The following OR9G4 variants were observed in gnomAD, a reference collection of about 807,000 sequenced individuals.
OR9G4 encodes olfactory receptor 9G4.
OR9G4 carries 19 observed loss-of-function variants against 16.7 expected under a neutral mutation model. The observed-to-expected ratio is 1.14, with a 90% CI of 0.79 to 1.67. The LOEUF (loss-of-function observed/expected upper bound fraction) is 1.67, where lower values mean the gene tolerates loss of function less well. Among genes scored for constraint, OR9G4 ranks in the 40% most tolerant of loss-of-function variants. The probability of loss-of-function intolerance (pLI) is 0.00; values close to 1 mark genes in which losing one functional copy is unlikely to be tolerated. For synonymous variants in OR9G4, 182 were observed against 146.2 expected (o/e 1.24, Z -1.76); for missense variants, 428 against 370.4 (o/e 1.16, Z -1.28).
chr11:56,746,858 T>A (rs1264839093), intron 1 of OR9G4, among the ~76,000 whole-genome samples: 2 of 152,176 alleles, frequency 1.3e-5, no homozygotes, highest in African/African-American at 4.8e-5. Context: ...CCTCCACTGC[T>A]ACCACTCTGT....
rs1858306714 is a variant in OR9G4 at position 56,741,907 on chromosome 11, C to T, written c.*921G>A. The T allele has an allele frequency of 6.6e-6, 1 of 152,198 alleles. No homozygotes were observed. The highest frequency in any genetic ancestry group is 2.1e-4 in the South Asian group (1 of 4,828). The allele number at this position is 152,198 out of a possible 1,614,324, so 9.4% of individuals were successfully genotyped here. ...AGGGTTTAGGGAATTGGGCTCGAGG[C>T]CAAGGCTAGTTTCCATGTGGTTAGC... On this transcript the variant is annotated 3_prime_UTR_variant, in exon 2 of 2. Transcript: ENST00000641668.
rs1858317015 is a variant in OR9G4, at chr11:56,742,472, G to A, written c.*356C>T. The A allele has an allele frequency of 5.3e-6, 1 of 188,426 alleles. No individual in the cohort carries two copies. The highest frequency in any genetic ancestry group is 1.1e-5 in the Non-Finnish European group (1 of 91,130). 11.7% of individuals were successfully genotyped at this position (188,426 alleles called of 1,614,324 possible). On this transcript the variant is annotated 3_prime_UTR_variant, in exon 2 of 2. Coordinates refer to ENST00000641668, the MANE Select transcript of OR9G4 (RefSeq NM_001005284.2). ...CCCTTTCAGATATTCTTGTCACCTAGTAAAGATTGCTTACCAAACTTCAAA... is the reference window on the plus strand; with the variant it reads ...CCCTTTCAGATATTCTTGTCACCTAATAAAGATTGCTTACCAAACTTCAAA...
intron 1 of OR9G4, 146 bp from the exon 2 acceptor site, chr11:56,743,934 G>T: frequency 1.1e-6 from 1 of 883,908 alleles, no homozygotes; most frequent in South Asian, 1.9e-5. Context: ...TCCATGATTT[G>T]GAAAAATTAC....
rs747668347 is a variant in OR9G4 at position 56,742,264 on chromosome 11, CATT to C, written c.*561_*563del. ...TAATTTTGAGATAGTTTTTTGTTGT[CATT>C]GTTGTTTGTAATCTGAACAACTCTT... On this transcript the variant is annotated 3_prime_UTR_variant, in exon 2 of 2. Coordinates refer to ENST00000641668, the MANE Select transcript of OR9G4 (RefSeq NM_001005284.2). 1.3e-5 allele frequency: 2 copies of C among 152,712 alleles called. No homozygotes were observed. The highest frequency in any genetic ancestry group is 2.4e-5 in the African/African-American group (1 of 41,422). The allele number at this position is 152,712 out of a possible 1,614,324, so 9.5% of individuals were successfully genotyped here. A position where few individuals can be genotyped will look rare whatever the true frequency, so the allele number is the denominator to read the frequency against.
intron 1 of OR9G4, among the ~76,000 whole-genome samples, chr11:56,746,905 T>C (rs1359724658): frequency 9.2e-5 from 14 of 151,746 alleles, no homozygotes; most frequent in Admixed American, 2.6e-4. Context: ...AATATTGCCA[T>C]CACTTTCTAA....
intron 1 of OR9G4, among the ~76,000 whole-genome samples, chr11:56,745,844 G>A (rs1304235901): frequency 6.6e-6 from 1 of 151,952 alleles, no homozygotes; most frequent in Non-Finnish European, 1.5e-5. Context: ...AATACAGTGT[G>A]GCAGAGCAGA....
Position 56,742,744 on chromosome 11 carries a change from T to A in OR9G4, c.*84A>T. ...TTTAAATATGACTTATTGAACTTAA[T>A]TGAACTACAGAAATGCAAATGAACA... On this transcript the variant is annotated 3_prime_UTR_variant, in exon 2 of 2. Transcript: ENST00000641668. 8.3e-7 allele frequency: 1 copy of A among 1,210,302 alleles called. No individual in the cohort carries two copies. 75.0% of individuals were successfully genotyped at this position (1,210,302 alleles called of 1,614,324 possible). A position where few individuals can be genotyped will look rare whatever the true frequency, so the allele number is the denominator to read the frequency against.
At chr11:56,743,886 A>C in intron 1 of OR9G4, 98 bp from the exon 2 acceptor site, 1 of 1,366,190 alleles carries the variant, frequency 7.3e-7, no homozygotes, top group Admixed American at 2.2e-5. Flanking sequence ...AAGCTTGTAG[A>C]TTTTTCTCCC....
At position 56,746,070 on chromosome 11, in the gene OR9G4, G is replaced by C. The variant is rs71495212; in HGVS notation, c.-22-2282C>G. Among the ~76,000 whole-genome samples the C allele has an allele frequency of 6.9e-3, 1,045 of 151,926 alleles. 2 individuals are homozygous for C. The highest frequency in any genetic ancestry group is 0.011 in the Non-Finnish European group (728 of 67,948). On this transcript the variant is annotated intron_variant, in intron 1 of 1. Transcript: ENST00000641668. ...GCACTTTGGGAGGCCGAGGCGGGCG[G>C]ATCACAAGGTCAGGAGATCGAGACC... is the stretch of plus-strand genomic sequence containing the variant.
chr11:56,744,075 C>CT (rs1053528317), intron 1 of OR9G4: 4,053 of 343,704 alleles, frequency 0.012, no homozygotes, highest in Middle Eastern at 0.02. Flanking sequence ...ATTACTTCTT[C>CT]TTTTTTTTTT....
chr11:56,743,983 T>C (rs1162002329), intron 1 of OR9G4, 195 bp from the exon 2 acceptor site: 14 of 606,566 alleles, frequency 2.3e-5, no homozygotes, highest in Non-Finnish European at 3.7e-5. Flanking sequence ...ATTAGGAATT[T>C]TATTTATTAA....
chr11:56,743,892 C>A (rs568860830), intron 1 of OR9G4, 104 bp from the exon 2 acceptor site: 6 of 1,303,372 alleles, frequency 4.6e-6, no homozygotes, highest in Non-Finnish European at 6.4e-6. Flanking sequence ...GTAGATTTTT[C>A]TCCCTTACTA....
In OR9G4 at chr11:56,742,971, A is replaced by C. The variant is rs759454258; in HGVS notation, c.796T>G (p.Tyr266Asp). 12 of 1,614,018 alleles carry C rather than the reference A, an allele frequency of 7.4e-6. No individual in the cohort carries two copies. The highest frequency in any genetic ancestry group is 1.3e-5 in the African/African-American group (1 of 74,914). The change falls in exon 2 of 2, where the codon TAC (tyrosine) becomes GAC (aspartate). Residue 266 changes from tyrosine (Y) to aspartate (D), a missense_variant. Transcript: ENST00000641668. ...LFMYSRPSSTYSLERDKVAAL... is the reference protein window; with the variant it reads ...LFMYSRPSSTDSLERDKVAAL... ...GCTACTTTGTCCCTCTCTAGGGAGT[A>C]GGTGGAACTAGGCCTTGAATACATA... is the stretch of plus-strand genomic sequence containing the variant.
In OR9G4 at chr11:56,743,586, A is replaced by T. The variant is rs1190620781; in HGVS notation, c.181T>A (p.Phe61Ile). 6.2e-7 allele frequency: 1 copy of T among 1,614,198 alleles called. No individual in the cohort carries two copies. Among genetic ancestry groups the T allele is most frequent in the African/African-American group, 1.3e-5 (1 of 75,054 alleles). ...AAAAAAGACAGATTGCCAATGAAAA[A>T]GTACATAGGTGTATGCAAGTGGGAA... ...TDSHLHTPMYFFIGNLSFLDF... is the reference protein window; with the variant it reads ...TDSHLHTPMYIFIGNLSFLDF... Residue 61 changes from phenylalanine to isoleucine, a missense_variant, in exon 2 of 2, where the codon TTT (phenylalanine) becomes ATT (isoleucine). Coordinates refer to ENST00000641668, the MANE Select transcript of OR9G4 (RefSeq NM_001005284.2).
intron 1 of OR9G4, among the ~76,000 whole-genome samples, chr11:56,745,745 A>T (rs1858398444): frequency 6.6e-6 from 1 of 151,280 alleles, no homozygotes; most frequent in South Asian, 2.1e-4. Flanking sequence ...GCACTCCAGC[A>T]AGGGTGACAG....
chr11:56,747,927 G>C (rs781154622), intron 1 of OR9G4, among the ~76,000 whole-genome samples: 4 of 152,178 alleles, frequency 2.6e-5, no homozygotes, highest in Non-Finnish European at 5.9e-5. Context: ...GCCCTCCTCA[G>C]CCTCCCAAAG....
rs192260847 is a variant in OR9G4, at chr11:56,742,535, T to C, written c.*293A>G. 4.1e-5 allele frequency: 12 copies of C among 293,764 alleles called. No individual in the cohort carries two copies. The East Asian group carries it at 7.7e-4, about 19-fold the overall frequency. 18.2% of individuals were successfully genotyped at this position (293,764 alleles called of 1,614,324 possible). On this transcript the variant is annotated 3_prime_UTR_variant, in exon 2 of 2. Transcript: ENST00000641668. Reference sequence around the variant, plus strand: ...TCATTAACCCACGTAATTTATTTTGTTCCCCAAGATCTCCCAAAGGGAGCA... The same window carrying C: ...TCATTAACCCACGTAATTTATTTTGCTCCCCAAGATCTCCCAAAGGGAGCA...
At chr11:56,746,094 C>T (rs1217043522) in intron 1 of OR9G4, among the ~76,000 whole-genome samples, 2 of 151,626 alleles carry the variant, frequency 1.3e-5, no homozygotes, top group African/African-American at 2.4e-5. Context: ...GAGATCGAGA[C>T]CATCCCGGCT....
In OR9G4 at chr11:56,743,353, G is replaced by A. The variant is rs149257582; in HGVS notation, c.414C>T (p.Thr138=). ...NPLLYSGTMS[T]ALCTGLVAGS... is the part of the protein sequence containing the mutation. ...CAGCAACAAGCCCAGTACAGAGGGCGGTGGACATGGTACCTGAATAAAGCA... is the reference window on the plus strand; with the variant it reads ...CAGCAACAAGCCCAGTACAGAGGGCAGTGGACATGGTACCTGAATAAAGCA... Residue 138 remains threonine (T), a synonymous_variant, in exon 2 of 2, where the codon ACC becomes ACT. Transcript: ENST00000641668. The A allele has an allele frequency of 3.5e-5, 57 of 1,614,146 alleles. No homozygotes were observed. The highest frequency in any genetic ancestry group is 3.3e-4 in the African/African-American group (25 of 75,026).
Sources: allele counts gnomAD v4.1 joint callset (sites outside exome capture counted in the v4.1 genomes callset), GRCh38; gene constraint gnomAD v4.1.1; transcripts MANE v1.5; gene names NCBI Gene and HGNC (gene_info 2026-07-23, HGNC 2026-07-21).